The following LARGE1 variants were observed in gnomAD, a reference collection of about 807,000 sequenced individuals.
The protein encoded by LARGE1 is xylosyl- and glucuronyltransferase LARGE1.
Under a neutral mutation model 87.6 loss-of-function variants are expected in LARGE1, and 43 were observed. The ratio of observed to expected loss-of-function variants is 0.49; its 90% CI spans 0.38 to 0.63. LARGE1 has a LOEUF of 0.63. LARGE1 is among the 30% of genes least tolerant of loss of function. The pLI, the probability that LARGE1 is intolerant of heterozygous loss-of-function variation, is 0.00. For synonymous variants in LARGE1, 434 were observed against 394.6 expected (o/e 1.10, Z -1.18); for missense variants, 802 against 1,000.2 (o/e 0.80, Z 2.67).
intron 13 of LARGE1, among the ~76,000 whole-genome samples, chr22:33,282,870 G>A (rs555796788): frequency 1.3e-5 from 2 of 152,306 alleles, no homozygotes; most frequent in Admixed American, 1.3e-4. Flanking sequence ...TCGGAGCCAG[G>A]AGATGGCAGC....
At chr22:33,653,609 T>A (rs1381740709) in intron 2 of LARGE1, among the ~76,000 whole-genome samples, 1 of 152,254 alleles carries the variant, frequency 6.6e-6, no homozygotes, top group Admixed American at 6.5e-5. Context: ...GTAAGAGTGA[T>A]GGGAGGCTTA....
intron 13 of LARGE1, among the ~76,000 whole-genome samples, chr22:33,279,092 A>G (rs1396074390): frequency 6.6e-6 from 1 of 152,128 alleles, no homozygotes; most frequent in African/African-American, 2.4e-5. Context: ...ATTGTGCACT[A>G]AACTGAATGA....
chr22:33,351,198 T>A (rs974661901), intron 9 of LARGE1, among the ~76,000 whole-genome samples: 1 of 152,224 alleles, frequency 6.6e-6, no homozygotes, highest in Non-Finnish European at 1.5e-5. Flanking sequence ...GTTGAATGAC[T>A]AAGCTCTACC....
intron 10 of LARGE1, among the ~76,000 whole-genome samples, chr22:33,331,864 C>G (rs892655552): frequency 6.6e-6 from 1 of 152,178 alleles, no homozygotes; most frequent in African/African-American, 2.4e-5. Flanking sequence ...TTCACTCCTA[C>G]TTATTCAACC....
chr22:33,643,173 G>T (rs1374017101), intron 3 of LARGE1, among the ~76,000 whole-genome samples: 1 of 152,044 alleles, frequency 6.6e-6, no homozygotes, highest in Non-Finnish European at 1.5e-5. Flanking sequence ...CAAATGCAAA[G>T]AACAGAAATC....
Position 33,408,967 on chromosome 22 carries a change from G to A in LARGE1, c.892+23194C>T, listed in dbSNP as rs147662008. On this transcript the variant is annotated intron_variant, in intron 7 of 14. Transcript: ENST00000397394. Reference sequence around the variant, plus strand: ...CTCCCTTGAGCCTTGCTAGAGGTGAGTCTGTTTGCATTGAGCTCGGTATGA... The same window carrying A: ...CTCCCTTGAGCCTTGCTAGAGGTGAATCTGTTTGCATTGAGCTCGGTATGA... Among the ~76,000 whole-genome samples, 4 of 152,284 alleles carry A rather than the reference G, an allele frequency of 2.6e-5. No individual in the cohort carries two copies. In the East Asian group the frequency reaches 5.8e-4, roughly 22 times the overall value.
At chr22:33,642,710 CAAAA>C (rs60815644) in intron 3 of LARGE1, among the ~76,000 whole-genome samples, 3 of 17,350 alleles carry the variant, frequency 1.7e-4, no homozygotes, top group Admixed American at 9.6e-4. Context: ...AAATGGAAAG[CAAAA>C]AAAAAAAAAA....
At position 33,254,996 on chromosome 22, in the gene LARGE1, G is replaced by A. The variant is rs370481181; in HGVS notation, c.1730+49233C>T. 1.4e-4 allele frequency among the ~76,000 whole-genome samples: 21 copies of A among 149,010 alleles called. No individual in the cohort carries two copies. In the South Asian group the frequency reaches 2.8e-3, roughly 20 times the overall value. On this transcript the variant is annotated intron_variant, in intron 11 of 11. Coordinates refer to the LARGE1 transcript ENST00000608642. ...TCCGTCACCCAGGCTGGAGTGCAGC[G>A]GCGAGATCTCTGCTCACTGCAACCT...
intron 6 of LARGE1, among the ~76,000 whole-genome samples, chr22:33,540,046 C>T (rs772358743): frequency 6.6e-6 from 1 of 152,124 alleles, no homozygotes; most frequent in Non-Finnish European, 1.5e-5. Context: ...GGGGGCCAGT[C>T]CCTTTTACCC....
At chr22:33,665,353 A>G (rs1240866794) in intron 2 of LARGE1, among the ~76,000 whole-genome samples, 1 of 152,216 alleles carries the variant, frequency 6.6e-6, no homozygotes, top group Non-Finnish European at 1.5e-5. Flanking sequence ...TTTCAACAAC[A>G]GTATCTCCAG....
At chr22:33,181,827 CTTTTTTTTTT>C (rs56347007) in intron 11 of LARGE1, among the ~76,000 whole-genome samples, 2 of 128,470 alleles carry the variant, frequency 1.6e-5, no homozygotes, top group Non-Finnish European at 1.6e-5. Flanking sequence ...TATGCCTGGC[CTTTTTTTTTT>C]TTTTTTTTTT....
chr22:33,688,687 C>T (rs894975953), intron 2 of LARGE1, among the ~76,000 whole-genome samples: 6 of 152,116 alleles, frequency 3.9e-5, no homozygotes, highest in South Asian at 2.1e-4. Context: ...AAAAGTCATG[C>T]ACCTTCAGCC....
At chr22:33,849,423 G>C (rs568690631) in intron 1 of LARGE1, among the ~76,000 whole-genome samples, 2 of 152,076 alleles carry the variant, frequency 1.3e-5, no homozygotes, top group African/African-American at 4.8e-5. Context: ...TAGGGTGAGG[G>C]CAGGAGCTCC....
the LARGE1 span, among the ~76,000 whole-genome samples, chr22:33,077,830 A>G: frequency 6.6e-6 from 1 of 152,194 alleles, no homozygotes; most frequent in African/African-American, 2.4e-5. Flanking sequence ...TCGTTAGTCT[A>G]AATTTTAATA....
At chr22:33,598,886 C>T (rs2079045853) in intron 5 of LARGE1, among the ~76,000 whole-genome samples, 1 of 152,154 alleles carries the variant, frequency 6.6e-6, no homozygotes, top group South Asian at 2.1e-4. Context: ...TGGGTATATA[C>T]TCAGTAATGG....
chr22:33,424,026 G>C (rs2066786679), intron 7 of LARGE1, among the ~76,000 whole-genome samples: 1 of 152,210 alleles, frequency 6.6e-6, no homozygotes, highest in Non-Finnish European at 1.5e-5. Flanking sequence ...ATTTGAGCTA[G>C]AAGTGCAATG....
chr22:33,686,560 A>AAAG (rs2081950196), intron 2 of LARGE1, among the ~76,000 whole-genome samples: 4 of 132,790 alleles, frequency 3.0e-5, no homozygotes, highest in East Asian at 2.2e-4. Context: ...AAAAAAAAAA[A>AAAG]AAAAAACAAA....
intron 5 of LARGE1, among the ~76,000 whole-genome samples, chr22:33,600,696 G>A (rs969350334): frequency 3.3e-5 from 5 of 152,186 alleles, no homozygotes; most frequent in African/African-American, 9.7e-5. Context: ...AGTGGTGCAA[G>A]AACAACTTGG....
chr22:33,518,775 CCT>C (rs1257541511), intron 6 of LARGE1, among the ~76,000 whole-genome samples: 5 of 152,264 alleles, frequency 3.3e-5, no homozygotes, highest in African/African-American at 1.2e-4. Flanking sequence ...AACTGCACCC[CCT>C]GAGGGGACTG....
Sources: allele counts gnomAD v4.1 joint callset (sites outside exome capture counted in the v4.1 genomes callset), GRCh38; gene constraint gnomAD v4.1.1; transcripts MANE v1.5; gene names NCBI Gene and HGNC (gene_info 2026-07-23, HGNC 2026-07-21).